Variants in ELF2 observed in about 807,000 individuals in gnomAD.
ELF2 encodes the protein E74 like ETS transcription factor 2.
ELF2 carries 11 observed loss-of-function variants against 54.8 expected under a neutral mutation model. That is an observed-to-expected ratio of 0.20 (90% CI 0.13 to 0.33). The LOEUF (loss-of-function observed/expected upper bound fraction) is 0.33. ELF2 is among the 10% of genes least tolerant of loss of function. The probability of loss-of-function intolerance (pLI) is 1.00; values close to 1 mark genes in which losing one functional copy is unlikely to be tolerated. For missense variants in ELF2, 513 were observed against 703.0 expected, an observed-to-expected ratio of 0.73 and a Z score of 3.06; for synonymous variants, 203 against 245.1, an observed-to-expected ratio of 0.83 and a Z score of 1.61.
intron 1 of ELF2, among the ~76,000 whole-genome samples, chr4:139,163,003 C>A (rs755424781): frequency 3.3e-5 from 5 of 152,080 alleles, no homozygotes; most frequent in Non-Finnish European, 5.9e-5. Flanking sequence ...GGGGCTAAGA[C>A]AGGAGGATCC....
chr4:139,160,635 T>C (rs774573090), intron 1 of ELF2, among the ~76,000 whole-genome samples: 15 of 152,214 alleles, frequency 9.9e-5, no homozygotes, highest in South Asian at 4.1e-4. Context: ...TGACCCTGTC[T>C]TTCACTCACA....
chr4:139,161,978 C>G (rs1406238261), intron 1 of ELF2, among the ~76,000 whole-genome samples: 1 of 152,090 alleles, frequency 6.6e-6, no homozygotes, highest in Non-Finnish European at 1.5e-5. Flanking sequence ...CCTGTAGTCC[C>G]AGCTACTCAA....
intron 3 of ELF2, among the ~76,000 whole-genome samples, chr4:139,133,373 T>C (rs970457985): frequency 5.3e-5 from 8 of 152,214 alleles, no homozygotes; most frequent in Admixed American, 4.6e-4. Context: ...GTTAATAATA[T>C]TGAGCATTTT....
intron 7 of ELF2, 97 bp from the exon 8 acceptor site, chr4:139,062,154 C>T (rs1000562231): frequency 6.4e-6 from 8 of 1,241,272 alleles, no homozygotes; most frequent in Non-Finnish European, 7.7e-6. Flanking sequence ...TCATAAAAAT[C>T]CTGAATATAC....
At chr4:139,110,498 T>A (rs553364213) in intron 4 of ELF2, among the ~76,000 whole-genome samples, 1 of 152,186 alleles carries the variant, frequency 6.6e-6, no homozygotes, top group Non-Finnish European at 1.5e-5. Context: ...TCATAGACAA[T>A]CATATTTTTT....
At chr4:139,106,779 T>C (rs2148798704) in intron 4 of ELF2, among the ~76,000 whole-genome samples, 1 of 149,908 alleles carries the variant, frequency 6.7e-6, no homozygotes. Flanking sequence ...GTTTCGCTCT[T>C]GTTGCCCAGG....
intron 4 of ELF2, among the ~76,000 whole-genome samples, chr4:139,078,350 G>A (rs1279010006): frequency 6.7e-6 from 1 of 149,970 alleles, no homozygotes; most frequent in African/African-American, 2.5e-5. Flanking sequence ...TAAACTAATA[G>A]TACAAGGTCT....
At chr4:139,103,689 A>G (rs968213551) in intron 4 of ELF2, among the ~76,000 whole-genome samples, 1 of 152,208 alleles carries the variant, frequency 6.6e-6, no homozygotes, top group Non-Finnish European at 1.5e-5. Flanking sequence ...ATCTGATGCT[A>G]TCTCCAAGTA....
At chr4:139,101,086 T>A (rs1332103917) in intron 4 of ELF2, among the ~76,000 whole-genome samples, 2 of 152,194 alleles carry the variant, frequency 1.3e-5, no homozygotes, top group African/African-American at 2.4e-5. Context: ...ATTCTTTTCT[T>A]CCCAATGAAA....
intron 4 of ELF2, chr4:139,114,794 C>T (rs1735436773): frequency 6.7e-7 from 1 of 1,490,306 alleles, no homozygotes; most frequent in Non-Finnish European, 9.1e-7. Context: ...GGGAAGAGAC[C>T]CCTGGGCCAG....
chr4:139,119,361 T>G (rs1482549990), intron 4 of ELF2, among the ~76,000 whole-genome samples: 1 of 152,222 alleles, frequency 6.6e-6, no homozygotes, highest in Non-Finnish European at 1.5e-5. Flanking sequence ...TCTCCACCCT[T>G]CTTCACCTTG....
intron 7 of ELF2, 149 bp downstream of exon 7, chr4:139,067,535 T>C: frequency 1.4e-6 from 1 of 712,952 alleles, no homozygotes; most frequent in Non-Finnish European, 2.3e-6. Context: ...GCTCCCCACG[T>C]GATGCTGATA....
At chr4:139,103,120 T>C (rs1734080272) in intron 4 of ELF2, among the ~76,000 whole-genome samples, 1 of 152,236 alleles carries the variant, frequency 6.6e-6, no homozygotes, top group African/African-American at 2.4e-5. Context: ...TAAAACTTTC[T>C]CATGATCTTT....
chr4:139,161,923 A>T (rs1741210200), intron 1 of ELF2, among the ~76,000 whole-genome samples: 2 of 151,924 alleles, frequency 1.3e-5, no homozygotes, highest in East Asian at 2.0e-4. Context: ...TGAAACCCTA[A>T]CTCTACTAAA....
At chr4:139,122,607 G>A (rs1458691240) in intron 4 of ELF2, among the ~76,000 whole-genome samples, 1 of 151,910 alleles carries the variant, frequency 6.6e-6, no homozygotes, top group Non-Finnish European at 1.5e-5. Flanking sequence ...GTTCAAGCGA[G>A]TCTCCTGCCT....
chr4:139,136,481 A>C (rs1158460782), intron 3 of ELF2, among the ~76,000 whole-genome samples: 1 of 149,120 alleles, frequency 6.7e-6, no homozygotes, highest in Admixed American at 6.7e-5. Flanking sequence ...TTTCTCAAAC[A>C]TGCCATTATA....
rs941279042 is a variant in ELF2 at position 139,102,615 on chromosome 4, C to A, written c.238+22549G>T. ...CAGCACTTTGGGAGGCTGAGGCAAG[C>A]GGATCATCTGAGGTCAGGAGTTTTA... On this transcript the variant is annotated intron_variant, in intron 4 of 9. Coordinates refer to ENST00000686138, the MANE Select transcript of ELF2 (RefSeq NM_001331036.3). 9.3e-5 allele frequency among the ~76,000 whole-genome samples: 14 copies of A among 151,286 alleles called. No individual in the cohort carries two copies. In the East Asian group the frequency reaches 2.7e-3, roughly 30 times the overall value.
Position 139,150,415 on chromosome 4 carries a change from C to T in ELF2, c.-251-10918G>A, listed in dbSNP as rs370072695. 3.6e-4 allele frequency among the ~76,000 whole-genome samples: 55 copies of T among 150,728 alleles called. 1 individual carries two copies. The South Asian group carries it at 5.3e-3, about 14-fold the overall frequency. ...GCATGGTGGTGCACACCTGTAGTCC[C>T]GGCTGAGGTGGGAGAACCACTTGAG... is the stretch of plus-strand genomic sequence containing the variant. On this transcript the variant is annotated intron_variant, in intron 1 of 9. Transcript: ENST00000686138.
chr4:139,116,430 AG>A (rs757016528), intron 4 of ELF2, among the ~76,000 whole-genome samples: 1 of 152,184 alleles, frequency 6.6e-6, no homozygotes, highest in Non-Finnish European at 1.5e-5. Flanking sequence ...GGCATGAAAT[AG>A]CCCCAGAGCT....
Sources: allele counts gnomAD v4.1 joint callset (sites outside exome capture counted in the v4.1 genomes callset), GRCh38; gene constraint gnomAD v4.1.1; transcripts MANE v1.5; gene names NCBI Gene and HGNC (gene_info 2026-07-23, HGNC 2026-07-21).